Variants in CLASP1 observed in about 807,000 individuals in gnomAD.
The protein encoded by CLASP1 is CLIP-associating protein 1.
In CLASP1, 38 loss-of-function variants were observed where a neutral mutation model predicts 192.3. That is an observed-to-expected ratio of 0.20 (90% confidence interval 0.15 to 0.26). The LOEUF is 0.26. CLASP1 is among the 10% of genes least tolerant of loss of function. CLASP1 has a pLI of 1.00. For synonymous variants in CLASP1, 691 were observed against 712.8 expected, an observed-to-expected ratio of 0.97 and a Z score of 0.49; for missense variants, 1,433 against 1,932.5, an observed-to-expected ratio of 0.74 and a Z score of 4.85.
At chr2:121,591,914 T>C (rs1479884120) in intron 2 of CLASP1, among the ~76,000 whole-genome samples, 2 of 152,218 alleles carry the variant, frequency 1.3e-5, no homozygotes, top group African/African-American at 4.8e-5. Flanking sequence ...AATGCAGCTG[T>C]AGATCAAATA....
chr2:121,443,192 C>A (rs2083653462), intron 19 of CLASP1, among the ~76,000 whole-genome samples: 1 of 151,880 alleles, frequency 6.6e-6, no homozygotes, highest in Admixed American at 6.6e-5. Flanking sequence ...ACAATTTCTC[C>A]CAGAAGAAGG....
intron 2 of CLASP1, among the ~76,000 whole-genome samples, chr2:121,591,267 A>G (rs1044163828): frequency 1.3e-5 from 2 of 152,220 alleles, no homozygotes; most frequent in African/African-American, 2.4e-5. Context: ...GGCTATCCAT[A>G]GCCAATAAAT....
chr2:121,462,652 A>G (rs2088340125), intron 9 of CLASP1, 47 bp from the exon 10 acceptor site: 2 of 1,081,180 alleles, frequency 1.8e-6, no homozygotes, highest in Non-Finnish European at 2.8e-6. Flanking sequence ...AACAACGTCT[A>G]TAACACATAC....
intron 2 of CLASP1, among the ~76,000 whole-genome samples, chr2:121,579,516 T>G (rs941782567): frequency 1.3e-5 from 2 of 152,214 alleles, no homozygotes; most frequent in African/African-American, 4.8e-5. Flanking sequence ...CAACCACTAA[T>G]GCAATTCTCA....
At chr2:121,575,552 A>G (rs906632785) in intron 2 of CLASP1, among the ~76,000 whole-genome samples, 1 of 152,220 alleles carries the variant, frequency 6.6e-6, no homozygotes, top group Non-Finnish European at 1.5e-5. Flanking sequence ...ATTCATGGAT[A>G]ATAAGCTTTA....
At chr2:121,581,257 G>GTTTTTT (rs1429061024) in intron 2 of CLASP1, among the ~76,000 whole-genome samples, 7 of 91,676 alleles carry the variant, frequency 7.6e-5, no homozygotes, top group African/African-American at 4.0e-4. Context: ...AAGGCCTTTT[G>GTTTTTT]TTCTTTTTTT....
intron 8 of CLASP1, among the ~76,000 whole-genome samples, chr2:121,499,819 A>G (rs2093671456): frequency 6.6e-6 from 1 of 151,910 alleles, no homozygotes; most frequent in African/African-American, 2.4e-5. Flanking sequence ...CTGGGAAAAA[A>G]AAAAAAGATA....
In CLASP1 at chr2:121,525,954, G is replaced by A. The variant is rs79265932; in HGVS notation, c.471-34C>T. On this transcript the variant is annotated intron_variant, in intron 5 of 39. Transcript: ENST00000263710. ...AAAAGGAGTGCTTTCTTGTTAGTGA[G>A]AACTGAGGAAAGAAAGAAAGATGCC... The A allele has an allele frequency of 1.6e-3, 2,424 of 1,516,592 alleles. 31 individuals carry two copies. The African/African-American group carries it at 0.03, about 19-fold the overall frequency. 93.9% of individuals were successfully genotyped at this position (1,516,592 alleles called of 1,614,324 possible).
chr2:121,595,666 G>A (rs1238213782), intron 2 of CLASP1, among the ~76,000 whole-genome samples: 2 of 152,156 alleles, frequency 1.3e-5, no homozygotes, highest in Non-Finnish European at 1.5e-5. Context: ...GCCAGCTGCT[G>A]CTCTACTCAG....
At chr2:121,407,800 A>C in intron 24 of CLASP1, 85 bp from the exon 26 acceptor site, 3 of 1,462,564 alleles carry the variant, frequency 2.1e-6, no homozygotes, top group African/African-American at 1.4e-5. Flanking sequence ...CAAAATCTAC[A>C]ACAAAGAGTT....
intron 25 of CLASP1, 82 bp from the exon 27 acceptor site, chr2:121,404,516 G>T: frequency 8.1e-7 from 1 of 1,237,410 alleles, no homozygotes; most frequent in Non-Finnish European, 1.2e-6. Flanking sequence ...ACCCAGGCTA[G>T]AGTGCAGTGG....
chr2:121,420,324 AATG>A (rs1239225462), intron 22 of CLASP1, among the ~76,000 whole-genome samples: 5 of 152,234 alleles, frequency 3.3e-5, no homozygotes, highest in African/African-American at 1.2e-4. Context: ...CAGCTCCTAC[AATG>A]ATGACAAAAG....
intron 23 of CLASP1, among the ~76,000 whole-genome samples, chr2:121,418,416 T>G (rs1260475343): frequency 6.6e-6 from 1 of 152,174 alleles, no homozygotes; most frequent in East Asian, 1.9e-4. Context: ...TGAAGTGGTG[T>G]TTTTTTCCTC....
chr2:121,512,806 C>T (rs904015166), intron 7 of CLASP1, among the ~76,000 whole-genome samples: 3 of 152,302 alleles, frequency 2.0e-5, no homozygotes, highest in Middle Eastern at 6.8e-3. Flanking sequence ...TTCCTCACCA[C>T]GTATTTCTTA....
intron 1 of CLASP1, among the ~76,000 whole-genome samples, chr2:121,632,426 T>C (rs1176956380): frequency 2.0e-5 from 3 of 152,112 alleles, no homozygotes; most frequent in Non-Finnish European, 4.4e-5. Flanking sequence ...CTTTGCAGCA[T>C]TGTTTATAAA....
rs889425327 is a variant in CLASP1, at chr2:121,565,371, C to T, written c.196-35046G>A. 2.6e-5 allele frequency among the ~76,000 whole-genome samples: 4 copies of T among 152,200 alleles called. No homozygotes were observed. In the East Asian group the frequency reaches 5.8e-4, roughly 22 times the overall value. On this transcript the variant is annotated intron_variant, in intron 2 of 39. Coordinates refer to ENST00000263710, the Ensembl canonical transcript of CLASP1. ...GTAAATCAAATTTGCCAAAAGCAATCGGTATAGTATTTCTACCAGGGCTGC... is the reference window on the plus strand; with the variant it reads ...GTAAATCAAATTTGCCAAAAGCAATTGGTATAGTATTTCTACCAGGGCTGC...
intron 9 of CLASP1, 22 bp from the exon 10 acceptor site, chr2:121,462,627 A>G (rs914135693): frequency 6.9e-7 from 1 of 1,454,332 alleles, no homozygotes; most frequent in East Asian, 2.3e-5. Context: ...AATTTTAAAA[A>G]TGTAAACAAT....
intron 19 of CLASP1, among the ~76,000 whole-genome samples, chr2:121,439,379 G>A (rs1358285304): frequency 2.6e-5 from 4 of 152,108 alleles, no homozygotes; most frequent in African/African-American, 9.6e-5. Flanking sequence ...GCTTTTGAAT[G>A]TGTTTGCTCT....
At chr2:121,405,728 T>C (rs2076813425) in intron 25 of CLASP1, among the ~76,000 whole-genome samples, 2 of 152,178 alleles carry the variant, frequency 1.3e-5, no homozygotes, top group Admixed American at 1.3e-4. Context: ...ACCACCAGGA[T>C]TAAACAGATT....
Sources: allele counts gnomAD v4.1 joint callset (sites outside exome capture counted in the v4.1 genomes callset), GRCh38; gene constraint gnomAD v4.1.1; transcripts MANE v1.5; gene names NCBI Gene and HGNC (gene_info 2026-07-23, HGNC 2026-07-21).